The following STYXL1 variants were observed in gnomAD, a reference collection of about 807,000 sequenced individuals.
STYXL1 encodes the protein serine/threonine/tyrosine-interacting-like protein 1.
Under a neutral mutation model 36.4 loss-of-function variants are expected in STYXL1, and 32 were observed. The observed-to-expected ratio is 0.88, with a 90% CI of 0.66 to 1.18. STYXL1 has a LOEUF of 1.18. STYXL1 is among the 50% of genes most tolerant of loss of function. The pLI is 0.00. For missense variants in STYXL1, 354 were observed against 394.1 expected, an observed-to-expected ratio of 0.90 and a Z score of 0.86; for synonymous variants, 133 against 144.1, an observed-to-expected ratio of 0.92 and a Z score of 0.55.
chr7:76,008,589 G>C (rs1338901342), intron 5 of STYXL1, among the ~76,000 whole-genome samples: 1 of 152,220 alleles, frequency 6.6e-6, no homozygotes, highest in Admixed American at 6.6e-5. Context: ...ACACGGAGAT[G>C]CATGACCCCC....
At chr7:76,026,453 A>C (rs182851132) in intron 3 of STYXL1, among the ~76,000 whole-genome samples, 27 of 151,508 alleles carry the variant, frequency 1.8e-4, no homozygotes, top group African/African-American at 6.0e-4. Context: ...TTAATTTTTC[A>C]ATTTTTTTGT....
chr7:76,028,549 G>A (rs1585295579), intron 3 of STYXL1, 93 bp downstream of exon 3: 1 of 1,189,064 alleles, frequency 8.4e-7, no homozygotes, highest in Non-Finnish European at 1.2e-6. Flanking sequence ...TCCTGCTTCT[G>A]CTGCCCGCTG....
intron 5 of STYXL1, 149 bp from the exon 6 acceptor site, chr7:76,005,553 G>A: frequency 1.4e-6 from 1 of 721,464 alleles, no homozygotes. Flanking sequence ...AAAGAGATTG[G>A]CACACGGTAA....
chr7:76,018,380 CAT>C (rs1478215334), intron 4 of STYXL1, among the ~76,000 whole-genome samples: 7 of 152,086 alleles, frequency 4.6e-5, no homozygotes, highest in African/African-American at 1.2e-4. Context: ...CATTATAGCA[CAT>C]GTCAGTACTT....
intron 2 of STYXL1, 152 bp downstream of exon 2, chr7:76,030,269 G>C: frequency 1.6e-6 from 1 of 617,190 alleles, no homozygotes; most frequent in East Asian, 2.9e-5. Context: ...CAAGTGCTGG[G>C]ATTACAGGCG....
intron 3 of STYXL1, among the ~76,000 whole-genome samples, chr7:76,027,581 C>G (rs781975991): frequency 1.3e-5 from 2 of 151,910 alleles, no homozygotes; most frequent in Non-Finnish European, 2.9e-5. Flanking sequence ...CCACTGCACC[C>G]CTGCCCGGGT....
At chr7:76,005,135 T>G in intron 6 of STYXL1, 124 bp downstream of exon 6, 1 of 520,462 alleles carries the variant, frequency 1.9e-6, no homozygotes, top group Non-Finnish European at 2.6e-6. Flanking sequence ...ACCTGCCCAT[T>G]GTGCACATGT....
At chr7:76,009,451 A>G (rs1317537119) in intron 5 of STYXL1, among the ~76,000 whole-genome samples, 1 of 151,878 alleles carries the variant, frequency 6.6e-6, no homozygotes, top group Non-Finnish European at 1.5e-5. Flanking sequence ...TCACTCTGTC[A>G]CCCAGGCTGG....
At chr7:76,019,045 G>C (rs531061264) in intron 4 of STYXL1, among the ~76,000 whole-genome samples, 4 of 152,096 alleles carry the variant, frequency 2.6e-5, no homozygotes, top group Non-Finnish European at 5.9e-5. Flanking sequence ...TCTCAATGTG[G>C]TTTTGACATC....
chr7:76,009,276 G>GC (rs1280212617), intron 5 of STYXL1, among the ~76,000 whole-genome samples: 1 of 100,838 alleles, frequency 9.9e-6, no homozygotes, highest in Non-Finnish European at 2.1e-5. Flanking sequence ...CCCCCACCCC[G>GC]CCCCCTCCCG....
At chr7:76,006,471 A>C (rs1428208863) in intron 5 of STYXL1, among the ~76,000 whole-genome samples, 4 of 152,118 alleles carry the variant, frequency 2.6e-5, no homozygotes, top group Non-Finnish European at 4.4e-5. Context: ...GTTATCATTA[A>C]AACTTTCGTT....
In STYXL1 at chr7:76,047,722, G is replaced by A; in HGVS notation, c.-65C>T. On this transcript the variant is annotated 5_prime_UTR_variant, in exon 1 of 9. Transcript: ENST00000359697. Reference sequence around the variant, plus strand: ...GGCAGAAGGAATGGGTTTGGCTGAGGTCGGGGGCTCGGGTCTGGGACGCGC... The same window carrying A: ...GGCAGAAGGAATGGGTTTGGCTGAGATCGGGGGCTCGGGTCTGGGACGCGC... The A allele has an allele frequency of 4.0e-6, 1 of 251,560 alleles. No homozygotes were observed. The highest frequency in any genetic ancestry group is 7.8e-6 in the Non-Finnish European group (1 of 128,176). The allele number at this position is 251,560 out of a possible 1,614,324, so 15.6% of individuals were successfully genotyped here.
rs188485506 is a variant in STYXL1 at position 76,005,798 on chromosome 7, C to T, written c.454-394G>A. ...CTTAAGACCACCAGAATTTAAGCAT[C>T]GAGAGAGAGAGAGAAGGAGGAGGAG... On this transcript the variant is annotated intron_variant, in intron 5 of 8. Coordinates refer to ENST00000359697, the MANE Select transcript of STYXL1 (RefSeq NM_001317785.2). Among the ~76,000 whole-genome samples, 1,203 of 143,986 alleles carry T rather than the reference C, an allele frequency of 8.4e-3. 16 individuals carry two copies. The highest frequency in any genetic ancestry group is 0.029 in the African/African-American group (1,130 of 38,972). The allele number at this position is 143,986 out of a possible 152,430, so 94.5% of individuals were successfully genotyped here. A position where few individuals can be genotyped will look rare whatever the true frequency, so the allele number is the denominator to read the frequency against.
Position 76,003,753 on chromosome 7 carries a change from C to T in STYXL1, c.697+5G>A, listed in dbSNP as rs1791283632. On this transcript the variant is annotated splice_donor_5th_base_variant and intron_variant, in intron 7 of 8. Coordinates refer to ENST00000359697, the MANE Select transcript of STYXL1 (RefSeq NM_001317785.2). ...GTTGCTACCCGGCCAAGGAACGCTC[C>T]TTACCAATGAAGTGACACATGTGGC... 1 of 1,613,974 alleles carries T rather than the reference C, an allele frequency of 6.2e-7. No individual in the cohort carries two copies. The highest frequency in any genetic ancestry group is 8.5e-7 in the Non-Finnish European group (1 of 1,179,966).
At chr7:76,000,382 T>C (rs554597488) in intron 8 of STYXL1, 1 of 456,556 alleles carries the variant, frequency 2.2e-6, no homozygotes, top group African/African-American at 2.0e-5. Flanking sequence ...TTGTAGGTCC[T>C]ATCAAGCCCT....
At chr7:76,036,754 TACAGGACTCTTTCAAC>T (rs1241932607) in intron 1 of STYXL1, among the ~76,000 whole-genome samples, 3 of 150,558 alleles carry the variant, frequency 2.0e-5, no homozygotes, top group African/African-American at 7.3e-5. Context: ...TCCTCCTTTA[TACAGGACTCTTTCAAC>T]ACAGTATAGC....
chr7:76,034,975 A>AAAAAAGAGC (rs1554580421), intron 1 of STYXL1, among the ~76,000 whole-genome samples: 2 of 150,714 alleles, frequency 1.3e-5, no homozygotes, highest in Non-Finnish European at 3.0e-5. Flanking sequence ...GACATCGTAA[A>AAAAAAGAGC]TACAGCATGG....
At chr7:76,004,635 C>T (rs782154097) in intron 6 of STYXL1, among the ~76,000 whole-genome samples, 7 of 151,404 alleles carry the variant, frequency 4.6e-5, no homozygotes, top group Non-Finnish European at 8.8e-5. Flanking sequence ...ACCCTGGAGG[C>T]GGAGGTTGCA....
intron 5 of STYXL1, among the ~76,000 whole-genome samples, chr7:76,006,579 C>T (rs1006815282): frequency 4.0e-5 from 6 of 151,862 alleles, no homozygotes; most frequent in Non-Finnish European, 5.9e-5. Flanking sequence ...CTGGCTAACA[C>T]GGTGAAACCT....
Sources: allele counts gnomAD v4.1 joint callset (sites outside exome capture counted in the v4.1 genomes callset), GRCh38; gene constraint gnomAD v4.1.1; transcripts MANE v1.5; gene names NCBI Gene and HGNC (gene_info 2026-07-23, HGNC 2026-07-21).